Variants in NOMO2 observed in about 807,000 individuals in gnomAD.
The protein encoded by NOMO2 is NODAL modulator 2.
Under a neutral mutation model 67.1 loss-of-function variants are expected in NOMO2, and 14 were observed. The observed-to-expected ratio is 0.21, with a 90% CI of 0.14 to 0.33. The LOEUF is 0.33. Ranked by LOEUF, NOMO2 falls within the 10% of genes least tolerant of loss-of-function variation. NOMO2 has a pLI of 1.00. For missense variants in NOMO2, 178 were observed against 761.0 expected (o/e 0.23, Z 9.01); for synonymous variants, 80 against 305.9 (o/e 0.26, Z 7.71).
chr16:18,561,833 CCGGCCCGG>C (rs2141767589), intron 1 of NOMO2, 35 bp downstream of exon 1: 1 of 1,535,974 alleles, frequency 6.5e-7, no homozygotes, highest in Non-Finnish European at 8.8e-7. Flanking sequence ...GGCTGAACCA[CCGGCCCGG>C]CGACTCGGCG....
intron 5 of NOMO2, among the ~76,000 whole-genome samples, chr16:18,549,311 T>A (rs900951617): frequency 9.3e-5 from 14 of 149,930 alleles, no homozygotes; most frequent in Non-Finnish European, 1.8e-4. Flanking sequence ...TATTTAATCA[T>A]CTCATCAATG....
chr16:18,550,727 G>GT (rs1168552250), intron 4 of NOMO2, among the ~76,000 whole-genome samples: 1 of 152,108 alleles, frequency 6.6e-6, no homozygotes, highest in Non-Finnish European at 1.5e-5. Context: ...ATCCTCCTAG[G>GT]TAAGTGTCGG....
chr16:18,555,404 A>G (rs1901880068), intron 2 of NOMO2, among the ~76,000 whole-genome samples: 2 of 145,932 alleles, frequency 1.4e-5, no homozygotes. Flanking sequence ...GTGTGGTGGC[A>G]GGCGCCTACA....
At chr16:18,533,268 C>A in intron 11 of NOMO2, 89 bp from the exon 12 acceptor site, 2 of 1,409,064 alleles carry the variant, frequency 1.4e-6, no homozygotes, top group South Asian at 1.3e-5. Flanking sequence ...AGCCCTCTCC[C>A]AGCCCTTGTT....
chr16:18,528,045 C>T (rs1331214917), intron 15 of NOMO2: 1 of 470,492 alleles, frequency 2.1e-6, no homozygotes, highest in South Asian at 1.5e-5. Context: ...TCCCAGGGCA[C>T]ATCTCTCCTG....
intron 7 of NOMO2, among the ~76,000 whole-genome samples, chr16:18,543,157 AACAGAGAC>A (rs1901585098): frequency 7.3e-6 from 1 of 137,784 alleles, no homozygotes; most frequent in Non-Finnish European, 1.6e-5. Context: ...CTTGTGAGTC[AACAGAGAC>A]ACATGATATT....
chr16:18,555,692 T>C, intron 2 of NOMO2, among the ~76,000 whole-genome samples: 1 of 139,530 alleles, frequency 7.2e-6, no homozygotes, highest in Non-Finnish European at 1.6e-5. Flanking sequence ...CACTGCAACC[T>C]CCGTCTCCTG....
intron 3 of NOMO2, among the ~76,000 whole-genome samples, chr16:18,553,397 T>C (rs1227971617): frequency 1.3e-5 from 2 of 151,718 alleles, no homozygotes; most frequent in East Asian, 1.9e-4. Flanking sequence ...GTTCATAATG[T>C]TGAGTGAAAG....
chr16:18,536,871 A>C (rs1452866617), intron 11 of NOMO2, among the ~76,000 whole-genome samples: 2 of 151,960 alleles, frequency 1.3e-5, no homozygotes, highest in East Asian at 1.9e-4. Flanking sequence ...GGACTCCTTG[A>C]CCTCGACCTC....
intron 15 of NOMO2, among the ~76,000 whole-genome samples, chr16:18,529,160 G>A (rs9940435): frequency 9.6e-3 from 1,415 of 147,762 alleles, no homozygotes; most frequent in African/African-American, 0.034. Flanking sequence ...CTCAATTTTC[G>A]GTGAAAACTG....
chr16:18,527,519 C>G lies in NOMO2; in HGVS notation c.1894+18G>C. The G allele has an allele frequency of 1.6e-6, 1 of 617,402 alleles. No individual in the cohort carries two copies. Among genetic ancestry groups the G allele is most frequent in the African/African-American group, 1.9e-5 (1 of 51,918 alleles). The allele number at this position is 617,402 out of a possible 1,614,324, so 38.2% of individuals were successfully genotyped here. On this transcript the variant is annotated intron_variant, in intron 16 of 30. Transcript: ENST00000622306. ...TCCATTTTTCTAATTCATGGCACAT[C>G]AATCCTTCCAAACTTACCAGGCTTG...
intron 16 of NOMO2, among the ~76,000 whole-genome samples, chr16:18,526,054 C>T (rs1488882093): frequency 4.0e-5 from 6 of 151,896 alleles, no homozygotes; most frequent in Non-Finnish European, 5.9e-5. Context: ...GGCAGCTGAA[C>T]TGACACCCAG....
chr16:18,561,173 T>TAAAAAAAAAAAAAAAAAAAAA (rs756246897), intron 1 of NOMO2, among the ~76,000 whole-genome samples: 3 of 32,458 alleles, frequency 9.2e-5, no homozygotes, highest in African/African-American at 2.5e-4. Flanking sequence ...ACAACTTAAT[T>TAAAAAAAAAAAAAAAAAAAAA]AAAAAAAAAA....
At chr16:18,520,366 TCATTCATC>T (rs1901029861) in intron 20 of NOMO2, among the ~76,000 whole-genome samples, 1 of 45,028 alleles carries the variant, frequency 2.2e-5, no homozygotes, top group Admixed American at 2.0e-4. Flanking sequence ...TCTAAATCAT[TCATTCATC>T]CATCCATCCA....
chr16:18,554,417 T>C (rs544184630), intron 3 of NOMO2, among the ~76,000 whole-genome samples: 1 of 151,982 alleles, frequency 6.6e-6, no homozygotes, highest in African/African-American at 2.4e-5. Flanking sequence ...AATCTCACAA[T>C]CTTTAAATGT....
At chr16:18,550,490 A>G (rs1286115166) in intron 4 of NOMO2, among the ~76,000 whole-genome samples, 1 of 151,632 alleles carries the variant, frequency 6.6e-6, no homozygotes. Context: ...TACAGCTGGG[A>G]TGGAAGGGCC....
At chr16:18,555,709 A>C (rs1244126205) in intron 2 of NOMO2, among the ~76,000 whole-genome samples, 1 of 130,816 alleles carries the variant, frequency 7.6e-6, no homozygotes, top group Non-Finnish European at 1.6e-5. Flanking sequence ...CCTGGGTTCA[A>C]GCGATTCTCC....
At position 18,559,670 on chromosome 16, in the gene NOMO2, T is replaced by G. The variant is rs62044030; in HGVS notation, c.166-1879A>C. Among the ~76,000 whole-genome samples, 48 of 151,822 alleles carry G rather than the reference T, an allele frequency of 3.2e-4. 1 individual carries two copies. Among genetic ancestry groups the G allele is most frequent in the African/African-American group, 8.0e-4 (33 of 41,268 alleles). On this transcript the variant is annotated intron_variant, in intron 1 of 30. Transcript: ENST00000622306. ...AAGAGATTCAGATGCATGCATTTAG[T>G]GCAGGGACTGGAAATTCACCAGCCT...
intron 2 of NOMO2, among the ~76,000 whole-genome samples, chr16:18,556,349 G>A (rs1901903141): frequency 6.6e-6 from 1 of 151,810 alleles, no homozygotes; most frequent in African/African-American, 2.4e-5. Flanking sequence ...AGCTACTTGG[G>A]AGGCTGAGGC....
Sources: gnomAD v4.1 joint callset for allele counts (sites outside exome capture counted in the v4.1 genomes callset) on GRCh38, gnomAD v4.1.1 for gene constraint, MANE v1.5 for transcripts, NCBI Gene and HGNC (gene_info 2026-07-23, HGNC 2026-07-21) for gene names.